The following MEP1A variants were observed in gnomAD, a reference collection of about 807,000 sequenced individuals.
MEP1A encodes meprin A subunit alpha, also known as N-benzoyl-L-tyrosyl-P-amino-benzoic acid hydrolase subunit alpha.
MEP1A carries 68 observed loss-of-function variants against 84.5 expected under a neutral mutation model. The ratio of observed to expected loss-of-function variants is 0.80; its 90% CI spans 0.66 to 0.98. MEP1A has a LOEUF of 0.98. Ranked by LOEUF, MEP1A falls within the 50% of genes least tolerant of loss-of-function variation. The probability of loss-of-function intolerance (pLI) is 0.00; values close to 1 mark genes in which losing one functional copy is unlikely to be tolerated. For synonymous variants in MEP1A, 337 were observed against 336.8 expected, an observed-to-expected ratio of 1.00 and a Z score of -0.01; for missense variants, 887 against 919.9, an observed-to-expected ratio of 0.96 and a Z score of 0.46.
rs1768275101 is a variant in MEP1A at position 46,838,919 on chromosome 6, T to A, written c.2085-61T>A. 3 of 1,450,694 alleles carry A rather than the reference T, an allele frequency of 2.1e-6. No individual in the cohort carries two copies. The Admixed American group carries it at 5.7e-5, about 28-fold the overall frequency. 89.9% of individuals were successfully genotyped at this position (1,450,694 alleles called of 1,614,324 possible). ...TTTTTATTGCTGTGGAGATGAGTGT[T>A]GCTAGGAGGCACCTGAGGCCTGGGT... On this transcript the variant is annotated intron_variant, in intron 13 of 13. Transcript: ENST00000230588.
chr6:46,838,994 A>G lies in MEP1A; in HGVS notation c.2099A>G (p.His700Arg), dbSNP rs1318578840. Residue 700 changes from histidine (H) to arginine (R), a missense_variant, in exon 14 of 14, where the codon CAT becomes CGT. Transcript: ENST00000230588. Reference sequence around the variant, plus strand: ...TTTTCCCTCAGGTGCATCTCTGGACATGCTTTCTTCTACACGGGGGAGCGC... The same window carrying G: ...TTTTCCCTCAGGTGCATCTCTGGACGTGCTTTCTTCTACACGGGGGAGCGC... ...GMASCRCISGHAFFYTGERCQ... is the reference protein window; with the variant it reads ...GMASCRCISGRAFFYTGERCQ... The G allele has an allele frequency of 1.2e-6, 2 of 1,612,852 alleles. No homozygotes were observed. The highest frequency in any genetic ancestry group is 2.7e-5 in the African/African-American group (2 of 74,870).
intron 5 of MEP1A, among the ~76,000 whole-genome samples, chr6:46,803,675 CA>C (rs1489922269): frequency 2.6e-5 from 4 of 151,388 alleles, no homozygotes; most frequent in Non-Finnish European, 5.9e-5. Context: ...AAATTCATAT[CA>C]CTTATTTTAA....
chr6:46,818,982 C>CTGGGTGTGGTGGCACA (rs11271529), intron 6 of MEP1A, among the ~76,000 whole-genome samples: 63,405 of 151,812 alleles, frequency 0.42, 13,573 homozygotes, highest in African/African-American at 0.49. Flanking sequence ...AAAACATTAT[C>CTGGGTGTGGTGGCACA]TGCCTGTGGT....
At chr6:46,797,442 G>C (rs145462940) in intron 3 of MEP1A, among the ~76,000 whole-genome samples, 2 of 152,344 alleles carry the variant, frequency 1.3e-5, no homozygotes, top group Admixed American at 6.5e-5. Flanking sequence ...AGCAATAACA[G>C]CAGTAGGAGA....
intron 6 of MEP1A, among the ~76,000 whole-genome samples, chr6:46,811,670 T>C (rs1266454131): frequency 6.6e-6 from 1 of 152,110 alleles, no homozygotes; most frequent in East Asian, 1.9e-4. Flanking sequence ...TGCTGAGGTT[T>C]TTAATCATAC....
chr6:46,810,459 C>G (rs1767471801), intron 6 of MEP1A, among the ~76,000 whole-genome samples: 1 of 152,126 alleles, frequency 6.6e-6, no homozygotes, highest in Non-Finnish European at 1.5e-5. Context: ...CATGCAGAAG[C>G]TTTTGAGTTT....
At chr6:46,821,271 A>G (rs902823121) in intron 7 of MEP1A, among the ~76,000 whole-genome samples, 3 of 152,182 alleles carry the variant, frequency 2.0e-5, no homozygotes, top group Admixed American at 6.5e-5. Flanking sequence ...GTAACTTATA[A>G]TAGTCTAATA....
intron 5 of MEP1A, among the ~76,000 whole-genome samples, chr6:46,803,285 G>A (rs1222405772): frequency 1.3e-5 from 2 of 151,240 alleles, no homozygotes; most frequent in African/African-American, 4.8e-5. Context: ...TTATTAAATT[G>A]TATTTTTCAG....
rs756845775 is a variant in MEP1A, at chr6:46,829,615, C to T, written c.1144+44C>T. 8 of 1,413,714 alleles carry T rather than the reference C, an allele frequency of 5.7e-6. No individual in the cohort carries two copies. In the East Asian group the frequency reaches 9.1e-5, roughly 16 times the overall value. The allele number at this position is 1,413,714 out of a possible 1,614,324, so 87.6% of individuals were successfully genotyped here. ...ACGAGGAATGGATTGGGTTAAAATC[C>T]GGGATCCTGCTTCTTCTCCTCCTTC... On this transcript the variant is annotated intron_variant, in intron 10 of 13. Transcript: ENST00000230588.
chr6:46,816,054 A>G (rs1313283417), intron 6 of MEP1A, among the ~76,000 whole-genome samples: 2 of 152,056 alleles, frequency 1.3e-5, no homozygotes, highest in Non-Finnish European at 2.9e-5. Flanking sequence ...CTCCTGCCTC[A>G]GCCTCTTGAG....
chr6:46,832,591 T>C lies in MEP1A; in HGVS notation c.1145-483T>C, dbSNP rs140230434. 2.6e-3 allele frequency among the ~76,000 whole-genome samples: 392 copies of C among 152,314 alleles called. 1 individual carries two copies. Among genetic ancestry groups the C allele is most frequent in the African/African-American group, 9.2e-3 (381 of 41,564 alleles). The stretch of plus-strand genomic sequence containing the variant: ...GGGAGTCAGTTTTAGGTAGGGAAGA[T>C]CCAGTCAGTCCTACAGGTTATTATC... On this transcript the variant is annotated intron_variant, in intron 10 of 13. Transcript: ENST00000230588.
Position 46,829,370 on chromosome 6 carries a change from A to G in MEP1A, c.943A>G (p.Met315Val), listed in dbSNP as rs764466637. The G allele has an allele frequency of 6.2e-7, 1 of 1,613,420 alleles. No individual in the cohort carries two copies. The highest frequency in any genetic ancestry group is 2.2e-5 in the East Asian group (1 of 44,884). The change falls in exon 10 of 14, where the codon ATG becomes GTG. Residue 315 changes from methionine to valine, a missense_variant. Transcript: ENST00000230588. ...TCTTTCCATAGGTGCCGGCTACTTC[A>G]TGCAGTTCAGCACCAGCTCGGGGTC... ...LGQCTGAGYF[M>V]QFSTSSGSAE...
At position 46,833,379 on chromosome 6, in the gene MEP1A, CT is replaced by C; in HGVS notation, c.1452del (p.Ala485LeufsTer17). ...CAGAGAAAGCTCTGGTTACTTGAGA[CT>C]TGCTTTTCATGTGTGCAGTGGGGAG... ...NSRESSGYLR[L>X]AFHVCSGEND... On this transcript the variant is annotated frameshift_variant, in exon 11 of 14. Coordinates refer to ENST00000230588, the MANE Select transcript of MEP1A (RefSeq NM_005588.3). LOFTEE classifies it high-confidence loss of function. The C allele has an allele frequency of 6.2e-7, 1 of 1,614,178 alleles. No individual in the cohort carries two copies. The highest frequency in any genetic ancestry group is 8.5e-7 in the Non-Finnish European group (1 of 1,180,030).
At chr6:46,832,969 T>A (rs1768108816) in intron 10 of MEP1A, 105 bp from the exon 11 acceptor site, 1 of 663,030 alleles carries the variant, frequency 1.5e-6, no homozygotes, top group Non-Finnish European at 2.6e-6. Flanking sequence ...TTGTGAGGAT[T>A]TAATGAGATA....
At chr6:46,814,508 G>T (rs973272612) in intron 6 of MEP1A, among the ~76,000 whole-genome samples, 2 of 151,994 alleles carry the variant, frequency 1.3e-5, no homozygotes, top group African/African-American at 2.4e-5. Context: ...GTGCCTCCTT[G>T]ATTGGCTTAA....
chr6:46,812,634 G>T (rs1767533187), intron 6 of MEP1A, among the ~76,000 whole-genome samples: 1 of 151,902 alleles, frequency 6.6e-6, no homozygotes, highest in African/African-American at 2.4e-5. Context: ...CACTGCTTTT[G>T]CTATATCCCA....
In MEP1A at chr6:46,829,470, A is replaced by G; in HGVS notation, c.1043A>G (p.Tyr348Cys). The G allele has an allele frequency of 1.2e-6, 2 of 1,614,190 alleles. No individual in the cohort carries two copies. Among genetic ancestry groups the G allele is most frequent in the Non-Finnish European group, 1.7e-6 (2 of 1,180,018 alleles). Residue 348 changes from tyrosine to cysteine, a missense_variant, in exon 10 of 14, where the codon TAT (tyrosine) becomes TGT (cysteine). Coordinates refer to ENST00000230588, the MANE Select transcript of MEP1A (RefSeq NM_005588.3). ...KRKQQCLQFF[Y>C]KMTGSPSDRL... ...AAGCAGCAGTGCCTGCAATTTTTCT[A>G]TAAAATGACGGGAAGTCCTTCAGAC...
chr6:46,833,653 C>T, intron 11 of MEP1A, 115 bp downstream of exon 11: 1 of 757,076 alleles, frequency 1.3e-6, no homozygotes, highest in African/African-American at 1.7e-5. Context: ...TTGGGAATAC[C>T]AATAACATAG....
At position 46,835,387 on chromosome 6, in the gene MEP1A, T is replaced by A; in HGVS notation, c.1922T>A (p.Val641Asp). 1 of 1,612,216 alleles carries A rather than the reference T, an allele frequency of 6.2e-7. No individual in the cohort carries two copies. Among genetic ancestry groups the A allele is most frequent in the Non-Finnish European group, 8.5e-7 (1 of 1,179,180 alleles). ...GKAMLEEALP[V>D]SLSQGQPSRQ... ...GCCATGTTAGAGGAAGCCCTACCTG[T>A]CAGCCTGAGCCAGGGGCAGCCCAGC... Residue 641 changes from valine (V) to aspartate (D), a missense_variant, in exon 13 of 14, where the codon GTC becomes GAC. Val to Asp is a radical substitution (Grantham distance 152). Coordinates refer to ENST00000230588, the MANE Select transcript of MEP1A (RefSeq NM_005588.3).
Sources: gnomAD v4.1 joint callset for allele counts (sites outside exome capture counted in the v4.1 genomes callset) on GRCh38, gnomAD v4.1.1 for gene constraint, MANE v1.5 for transcripts, NCBI Gene and HGNC (gene_info 2026-07-23, HGNC 2026-07-21) for gene names.